The following LRP8 variants were observed in gnomAD, a reference collection of about 807,000 sequenced individuals.
LRP8 encodes low-density lipoprotein receptor-related protein 8.
LRP8 carries 46 observed loss-of-function variants against 111.6 expected under a neutral mutation model. The observed-to-expected ratio is 0.41, with a 90% CI of 0.33 to 0.53. The LOEUF is 0.53. Among genes scored for constraint, LRP8 ranks in the 20% least tolerant of loss-of-function variants. The pLI is 0.20. For synonymous variants in LRP8, 464 were observed against 511.2 expected (o/e 0.91, Z 1.24); for missense variants, 959 against 1,297.4 (o/e 0.74, Z 4.01).
intron 3 of LRP8, among the ~76,000 whole-genome samples, chr1:53,281,305 C>A (rs1647102301): frequency 6.6e-6 from 1 of 152,260 alleles, no homozygotes; most frequent in Non-Finnish European, 1.5e-5. Context: ...GCTATAATTA[C>A]TGCAGCCGCA....
intron 16 of LRP8, among the ~76,000 whole-genome samples, chr1:53,252,576 A>T (rs945096686): frequency 2.6e-5 from 4 of 152,274 alleles, no homozygotes; most frequent in Admixed American, 2.6e-4. Flanking sequence ...AATGGAATAA[A>T]AATACATTCG....
At chr1:53,316,176 C>T (rs74083909) in intron 2 of LRP8, among the ~76,000 whole-genome samples, 10,266 of 152,220 alleles carry the variant, frequency 0.067, 879 homozygotes, top group East Asian at 0.21. Context: ...GGGTTCCATT[C>T]AAGGGACTTG....
chr1:53,276,666 G>T, intron 5 of LRP8, 26 bp downstream of exon 5: 1 of 1,509,122 alleles, frequency 6.6e-7, no homozygotes, highest in South Asian at 1.2e-5. Context: ...CCCTGGGCGG[G>T]GCTGGGCGGT....
At chr1:53,281,291 C>T (rs1210366724) in intron 3 of LRP8, among the ~76,000 whole-genome samples, 1 of 152,254 alleles carries the variant, frequency 6.6e-6, no homozygotes, top group African/African-American at 2.4e-5. Flanking sequence ...AGCGGGACTG[C>T]ATAGCTATAA....
rs773915089 is a variant in LRP8, at chr1:53,326,878, T to G, written c.239A>C (p.Asp80Ala). Residue 80 changes from aspartate to alanine, a missense_variant, in exon 2 of 19, where the codon GAC (aspartate) becomes GCC (alanine). Asp to Ala is a moderately radical substitution (Grantham distance 126). Around this residue, in one of 3 missense-constraint regions of LRP8, gnomAD observed 97 missense variants for 107.5 expected, o/e 0.90. Coordinates refer to ENST00000306052, the MANE Select transcript of LRP8 (RefSeq NM_004631.5). The part of the protein sequence containing the change: ...DDCLDHSDED[D>A]CPKKTCADSD... ...CTCCCTGGCCCGCCACTCACGGCAG[T>G]CGTCCTCGTCGCTGTGGTCTAAGCA... 3.7e-6 allele frequency: 6 copies of G among 1,612,492 alleles called. No homozygotes were observed. The highest frequency in any genetic ancestry group is 5.1e-6 in the Non-Finnish European group (6 of 1,179,552).
At chr1:53,248,273 A>G (rs1435715248) in intron 18 of LRP8, among the ~76,000 whole-genome samples, 2 of 152,154 alleles carry the variant, frequency 1.3e-5, no homozygotes, top group Non-Finnish European at 2.9e-5. Flanking sequence ...TATGAATGCA[A>G]TGGCCATCCT....
rs368026977 is a variant in LRP8 at position 53,318,984 on chromosome 1, TAA to T, written c.244+7887_244+7888del. ...TTAACTATGTTTTTCATTACAAGTGTAAAGTTACTTTCAGCTAACCAGAAGTT... is the reference window on the plus strand; with the variant it reads ...TTAACTATGTTTTTCATTACAAGTGTAGTTACTTTCAGCTAACCAGAAGTT... On this transcript the variant is annotated intron_variant, in intron 2 of 18. Transcript: ENST00000306052. 2.1e-4 allele frequency among the ~76,000 whole-genome samples: 32 copies of T among 152,270 alleles called. No homozygotes were observed. The South Asian group carries it at 6.4e-3, about 31-fold the overall frequency.
chr1:53,299,783 G>GGGCCTGGCT (rs1426284649), intron 2 of LRP8, among the ~76,000 whole-genome samples: 15 of 152,256 alleles, frequency 9.9e-5, no homozygotes, highest in Non-Finnish European at 2.1e-4. Context: ...CTGGCCTGGA[G>GGGCCTGGCT]GGCCTGGCTC....
chr1:53,257,322 G>T lies in LRP8; in HGVS notation c.2352C>A (p.Val784=). 1 of 1,614,172 alleles carries T rather than the reference G, an allele frequency of 6.2e-7. No homozygotes were observed. Among genetic ancestry groups the T allele is most frequent in the Non-Finnish European group, 8.5e-7 (1 of 1,180,026 alleles). ...CCCTGGGGACACTAACTGAGCTTGGGACTGCAGCTGTCAGGCTTGGTGTCT... is the reference window on the plus strand; with the variant it reads ...CCCTGGGGACACTAACTGAGCTTGGTACTGCAGCTGTCAGGCTTGGTGTCT... ...STETPSLTAA[V]PSSVSVPRAP... is the part of the protein sequence containing the mutation. The change falls in exon 15 of 19, where the codon GTC becomes GTA. Residue 784 remains valine, a synonymous_variant. Transcript: ENST00000306052.
rs752638753 is a variant in LRP8 at position 53,264,219 on chromosome 1, G to C, written c.1605C>G (p.Phe535Leu). The change falls in exon 10 of 19, where the codon TTC becomes TTG. Residue 535 changes from phenylalanine to leucine, a missense_variant. Transcript: ENST00000306052. The part of the protein sequence containing the change: ...TVDGGRRRTL[F>L]SRNLSEPRAI... ...CCCGGGGTTCACTGAGGTTACGGCT[G>C]AAGAGAGTGCGTCGGCGGCCACCAT... 6.2e-6 allele frequency: 10 copies of C among 1,614,042 alleles called. No homozygotes were observed. The highest frequency in any genetic ancestry group is 7.6e-6 in the Non-Finnish European group (9 of 1,180,044).
intron 2 of LRP8, among the ~76,000 whole-genome samples, chr1:53,299,523 C>T (rs1650405041): frequency 6.6e-6 from 1 of 152,214 alleles, no homozygotes; most frequent in Non-Finnish European, 1.5e-5. Context: ...CTGGGCTCCT[C>T]ACCAGGGAGT....
chr1:53,288,534 TTC>T (rs1045467078), intron 3 of LRP8: 2 of 150,938 alleles, frequency 1.3e-5, no homozygotes, highest in East Asian at 2.0e-4. Flanking sequence ...TCTTGCTCTG[TTC>T]TCTCTCTCTC....
intron 1 of LRP8, chr1:53,327,255 C>CA (rs1655262611): frequency 2.0e-6 from 1 of 496,726 alleles, no homozygotes; most frequent in Non-Finnish European, 3.6e-6. Context: ...CAGACGCACT[C>CA]ACCCGCACAC....
chr1:53,321,991 G>C (rs957528044), intron 2 of LRP8, among the ~76,000 whole-genome samples: 7 of 152,110 alleles, frequency 4.6e-5, no homozygotes, highest in African/African-American at 1.7e-4. Context: ...GCTGAGGCGA[G>C]CACCAGCTGC....
chr1:53,299,968 A>C (rs867306219), intron 2 of LRP8, among the ~76,000 whole-genome samples: 1 of 152,230 alleles, frequency 6.6e-6, no homozygotes, highest in Admixed American at 6.5e-5. Context: ...CTTGGTCCCC[A>C]GTCCCTTACA....
At chr1:53,291,622 C>T (rs1648785668) in intron 2 of LRP8, among the ~76,000 whole-genome samples, 1 of 152,170 alleles carries the variant, frequency 6.6e-6, no homozygotes, top group African/African-American at 2.4e-5. Flanking sequence ...TGAGCTCCTA[C>T]AATCCCCTGA....
At chr1:53,323,112 TC>T (rs1654726241) in intron 2 of LRP8, among the ~76,000 whole-genome samples, 1 of 152,016 alleles carries the variant, frequency 6.6e-6, no homozygotes, top group Non-Finnish European at 1.5e-5. Flanking sequence ...TAAGATGTCA[TC>T]TCAAGACAGG....
chr1:53,302,788 C>G (rs1651193505), intron 2 of LRP8, among the ~76,000 whole-genome samples: 1 of 151,524 alleles, frequency 6.6e-6, no homozygotes, highest in Admixed American at 6.6e-5. Context: ...CTTGCAGGCT[C>G]AAGCCATCCT....
rs1653878476 is a variant in LRP8 at position 53,316,876 on chromosome 1, G to A, written c.244+9997C>T. ...TGTGGCAGGGGGCAGGCCAGGAAGAGAGACTGCTGGCGCCTCTCCAGCTAC... is the reference window on the plus strand; with the variant it reads ...TGTGGCAGGGGGCAGGCCAGGAAGAAAGACTGCTGGCGCCTCTCCAGCTAC... On this transcript the variant is annotated intron_variant, in intron 2 of 18. Coordinates refer to ENST00000306052, the MANE Select transcript of LRP8 (RefSeq NM_004631.5). 2.0e-5 allele frequency among the ~76,000 whole-genome samples: 3 copies of A among 152,334 alleles called. No individual in the cohort carries two copies. The South Asian group carries it at 6.2e-4, about 32-fold the overall frequency.
Sources: allele counts gnomAD v4.1 joint callset (sites outside exome capture counted in the v4.1 genomes callset), GRCh38; gene constraint gnomAD v4.1.1; regional missense constraint gnomAD v4.1.1; transcripts MANE v1.5; gene names NCBI Gene and HGNC (gene_info 2026-07-23, HGNC 2026-07-21).